Variants in BRD10 observed in about 807,000 individuals in gnomAD.
The protein encoded by BRD10 is uncharacterized bromodomain-containing protein 10.
chr9:6,005,644 A>T, the BRD10 span, among the ~76,000 whole-genome samples: 1 of 152,236 alleles, frequency 6.6e-6, no homozygotes, highest in African/African-American at 2.4e-5. Flanking sequence ...CATCTGATAG[A>T]TTAGATGAAC....
chr9:5,926,293 GTTGTA>G, the BRD10 span, among the ~76,000 whole-genome samples: 2 of 152,026 alleles, frequency 1.3e-5, no homozygotes, highest in Non-Finnish European at 2.9e-5. Flanking sequence ...TCACTTACCA[GTTGTA>G]AGACTTTCAA....
chr9:5,929,695 C>T, the BRD10 span, among the ~76,000 whole-genome samples: 1 of 152,108 alleles, frequency 6.6e-6, no homozygotes, highest in Non-Finnish European at 1.5e-5. Flanking sequence ...TAATGCTATA[C>T]TAAGAGTTAA....
chr9:5,920,777 A>G, the BRD10 span: 4 of 1,613,996 alleles, frequency 2.5e-6, no homozygotes, highest in Admixed American at 1.7e-5. Flanking sequence ...AGGAATTTGC[A>G]AAGCTGATGT....
chr9:5,932,043 T>C, the BRD10 span, among the ~76,000 whole-genome samples: 29,729 of 152,098 alleles, frequency 0.2, 3,111 homozygotes, highest in Middle Eastern at 0.29. Flanking sequence ...TTCTACTTAG[T>C]AGTGTTCTCA....
chr9:6,006,492 G>T, the BRD10 span, among the ~76,000 whole-genome samples: 2 of 152,172 alleles, frequency 1.3e-5, no homozygotes, highest in Non-Finnish European at 2.9e-5. Context: ...TCCTCCTCTT[G>T]TGTTAAATAA....
At chr9:5,920,316 C>T in the BRD10 span, 15 of 1,613,912 alleles carry the variant, frequency 9.3e-6, no homozygotes, top group African/African-American at 2.7e-5. Flanking sequence ...AACCGGGTTC[C>T]GTTAATCATA....
chr9:6,001,486 A>T, the BRD10 span, among the ~76,000 whole-genome samples: 2 of 152,120 alleles, frequency 1.3e-5, no homozygotes, highest in Non-Finnish European at 2.9e-5. Flanking sequence ...GTTCCCCTAG[A>T]CTACTCTGTA....
chr9:5,933,250 A>C, the BRD10 span, among the ~76,000 whole-genome samples: 26 of 152,364 alleles, frequency 1.7e-4, 1 homozygote, highest in African/African-American at 2.6e-4. Context: ...TAGAATTTTC[A>C]CTATTTTCAT....
At chr9:5,914,027 T>G in the BRD10 span, 7 of 453,240 alleles carry the variant, frequency 1.5e-5, no homozygotes, top group Non-Finnish European at 3.1e-5. Context: ...CTCAAGAAAG[T>G]TGGATGGCAG....
At chr9:6,007,747 C>T in the BRD10 span, 2 of 1,590,704 alleles carry the variant, frequency 1.3e-6, no homozygotes, top group African/African-American at 1.3e-5. Flanking sequence ...CTCTTCCTCC[C>T]CAGCCGGCTC....
the BRD10 span, among the ~76,000 whole-genome samples, chr9:5,960,868 C>T: frequency 1.2e-4 from 19 of 152,206 alleles, no homozygotes; most frequent in African/African-American, 4.6e-4. Context: ...TCCTACACAG[C>T]CATTTAAAAT....
chr9:5,879,062 G>C, the BRD10 span, among the ~76,000 whole-genome samples: 2 of 152,180 alleles, frequency 1.3e-5, no homozygotes, highest in East Asian at 3.9e-4. Flanking sequence ...TTCCAGGGTT[G>C]TTCTGACGCC....
the BRD10 span, among the ~76,000 whole-genome samples, chr9:5,946,226 A>G: frequency 6.6e-6 from 1 of 152,094 alleles, no homozygotes; most frequent in Admixed American, 6.6e-5. Flanking sequence ...ATCACAGATA[A>G]TTTTTATTAA....
the BRD10 span, among the ~76,000 whole-genome samples, chr9:6,004,083 T>C: frequency 7.2e-3 from 1,104 of 152,310 alleles, 40 homozygotes; most frequent in Admixed American, 0.051. Context: ...AGTTCAGTAG[T>C]AATATTCAAC....
At chr9:5,972,467 C>T in the BRD10 span, among the ~76,000 whole-genome samples, 1 of 152,186 alleles carries the variant, frequency 6.6e-6, no homozygotes, top group African/African-American at 2.4e-5. Flanking sequence ...ATTTCCAATG[C>T]TGAAAGCGCA....
chr9:6,007,293 C>A, the BRD10 span: 21 of 1,613,826 alleles, frequency 1.3e-5, no homozygotes, highest in South Asian at 2.3e-4. Context: ...AGCACGTCTC[C>A]AGCATCAACC....
At chr9:5,923,326 C>T in the BRD10 span, 1,069,446 of 1,557,314 alleles carry the variant, frequency 0.69, 375,289 homozygotes, top group Non-Finnish European at 0.73. Flanking sequence ...ATTATAAAAA[C>T]GGGCATTTTG....
chr9:5,948,080 C>A, the BRD10 span, among the ~76,000 whole-genome samples: 1 of 152,128 alleles, frequency 6.6e-6, no homozygotes, highest in Non-Finnish European at 1.5e-5. Context: ...CTGTCACACT[C>A]CCTCAAGTTA....
At chr9:5,921,135 T>C in the BRD10 span, 1 of 1,613,960 alleles carries the variant, frequency 6.2e-7, no homozygotes. Flanking sequence ...GAATTACCAC[T>C]TGTTGACAAT....
Sources: gnomAD v4.1 joint callset for allele counts (sites outside exome capture counted in the v4.1 genomes callset) on GRCh38, gnomAD v4.1.1 for gene constraint, MANE v1.5 for transcripts, NCBI Gene and HGNC (gene_info 2026-07-23, HGNC 2026-07-21) for gene names.